The following SPAG16 variants were observed in gnomAD, a reference collection of about 807,000 sequenced individuals.
The protein encoded by SPAG16 is sperm associated antigen 16, also known as sperm-associated antigen 16 protein.
SPAG16 carries 86 observed loss-of-function variants against 80.4 expected under a neutral mutation model. The observed-to-expected ratio is 1.07, with a 90% CI of 0.90 to 1.28. SPAG16 has a LOEUF of 1.28. SPAG16 is among the 50% of genes most tolerant of loss of function. SPAG16 has a pLI of 0.00. For missense variants in SPAG16, 870 were observed against 765.3 expected (o/e 1.14, Z -1.61); for synonymous variants, 294 against 265.9 (o/e 1.11, Z -1.03).
At chr2:213,963,842 C>T (rs1258195820) in intron 12 of SPAG16, among the ~76,000 whole-genome samples, 3 of 151,898 alleles carry the variant, frequency 2.0e-5, no homozygotes, top group Admixed American at 6.6e-5. Flanking sequence ...ATAGTTACTC[C>T]AACTCTCTTA....
At chr2:214,285,909 T>C (rs1693323524) in intron 15 of SPAG16, among the ~76,000 whole-genome samples, 1 of 152,218 alleles carries the variant, frequency 6.6e-6, no homozygotes, top group Admixed American at 6.5e-5. Context: ...ATGCCTATGC[T>C]TTCACTGTCA....
At chr2:214,262,802 G>A (rs796255065) in intron 15 of SPAG16, among the ~76,000 whole-genome samples, 15 of 152,112 alleles carry the variant, frequency 9.9e-5, no homozygotes, top group African/African-American at 3.6e-4. Context: ...ATGACGCATT[G>A]CTCTACTATA....
intron 9 of SPAG16, among the ~76,000 whole-genome samples, chr2:213,446,125 G>A (rs2071294850): frequency 6.6e-6 from 1 of 152,156 alleles, no homozygotes; most frequent in African/African-American, 2.4e-5. Context: ...AAAGGTTAAA[G>A]GAACATCAGC....
chr2:214,119,441 A>G (rs904521046), intron 14 of SPAG16, among the ~76,000 whole-genome samples: 1 of 152,144 alleles, frequency 6.6e-6, no homozygotes, highest in African/African-American at 2.4e-5. Flanking sequence ...GCCACAGAAA[A>G]TTCAATCTAA....
chr2:213,630,802 A>C (rs1191436125), intron 10 of SPAG16, among the ~76,000 whole-genome samples: 1 of 152,122 alleles, frequency 6.6e-6, no homozygotes, highest in East Asian at 1.9e-4. Context: ...GCACTACCAT[A>C]CTCCTCAAAA....
In SPAG16 at chr2:214,142,088, C is replaced by T. The variant is rs112261019; in HGVS notation, c.1594-7052C>T. 5.9e-3 allele frequency among the ~76,000 whole-genome samples: 902 copies of T among 152,094 alleles called. 4 individuals carry two copies. Among genetic ancestry groups the T allele is most frequent in the Middle Eastern group, 0.014 (4 of 294 alleles). On this transcript the variant is annotated intron_variant, in intron 14 of 15. Coordinates refer to ENST00000331683, the MANE Select transcript of SPAG16 (RefSeq NM_024532.5). ...TTTACATGCTTTTATCTTTCAATCT[C>T]TGTGTCTACAATCTAGCTAAATTTT...
intron 13 of SPAG16, among the ~76,000 whole-genome samples, chr2:214,060,606 A>C (rs1442208447): frequency 6.6e-6 from 1 of 152,190 alleles, no homozygotes; most frequent in East Asian, 1.9e-4. Context: ...CTCTTAGAAA[A>C]CAAAATGACA....
chr2:213,702,548 A>G (rs535664769), intron 10 of SPAG16, among the ~76,000 whole-genome samples: 1 of 152,292 alleles, frequency 6.6e-6, no homozygotes, highest in South Asian at 2.1e-4. Context: ...TTCATTCTTG[A>G]AGTTGGCGAG....
intron 13 of SPAG16, among the ~76,000 whole-genome samples, chr2:214,075,082 C>A (rs2051002870): frequency 6.6e-6 from 1 of 151,718 alleles, no homozygotes; most frequent in African/African-American, 2.4e-5. Context: ...ATTTTATAAT[C>A]TTTTAAACAT....
At chr2:213,933,806 G>C (rs1309247560) in intron 12 of SPAG16, among the ~76,000 whole-genome samples, 1 of 152,172 alleles carries the variant, frequency 6.6e-6, no homozygotes, top group Non-Finnish European at 1.5e-5. Flanking sequence ...TAAGAACTGT[G>C]TTTACTTTAA....
intron 15 of SPAG16, among the ~76,000 whole-genome samples, chr2:214,308,244 G>A (rs191381276): frequency 5.9e-5 from 9 of 152,112 alleles, no homozygotes; most frequent in Admixed American, 4.6e-4. Flanking sequence ...TTCTTGGTAG[G>A]TTTTTCTCTA....
At chr2:213,710,653 C>A (rs2065944008) in intron 10 of SPAG16, among the ~76,000 whole-genome samples, 1 of 152,162 alleles carries the variant, frequency 6.6e-6, no homozygotes, top group Non-Finnish European at 1.5e-5. Context: ...GCTTTTCCCC[C>A]AATGTGCAAG....
At chr2:213,706,084 G>A (rs2125343674) in intron 10 of SPAG16, among the ~76,000 whole-genome samples, 1 of 152,274 alleles carries the variant, frequency 6.6e-6, no homozygotes, top group East Asian at 1.9e-4. Context: ...GCAAAAGAAA[G>A]TGTATCATTT....
At chr2:213,673,969 G>T (rs2063926531) in intron 10 of SPAG16, among the ~76,000 whole-genome samples, 1 of 151,874 alleles carries the variant, frequency 6.6e-6, no homozygotes, top group African/African-American at 2.4e-5. Context: ...AGTTGCAAGT[G>T]TCATTTATAA....
chr2:214,382,686 A>C (rs1271451394), intron 15 of SPAG16, among the ~76,000 whole-genome samples: 1 of 152,140 alleles, frequency 6.6e-6, no homozygotes, highest in Non-Finnish European at 1.5e-5. Context: ...TCCATATTGA[A>C]TCCTAGTCTC....
chr2:213,633,478 G>A (rs1390178139), intron 10 of SPAG16, among the ~76,000 whole-genome samples: 1 of 152,102 alleles, frequency 6.6e-6, no homozygotes, highest in Non-Finnish European at 1.5e-5. Flanking sequence ...CATTTGCTGA[G>A]TAAAATAATA....
At chr2:213,374,061 AG>A (rs2066771769) in intron 8 of SPAG16, among the ~76,000 whole-genome samples, 2 of 152,142 alleles carry the variant, frequency 1.3e-5, no homozygotes, top group East Asian at 3.9e-4. Flanking sequence ...TTGGACACCC[AG>A]GTCTCTCAAG....
At chr2:213,457,722 T>C (rs1404782144) in intron 9 of SPAG16, among the ~76,000 whole-genome samples, 2 of 152,198 alleles carry the variant, frequency 1.3e-5, no homozygotes, top group East Asian at 3.8e-4. Flanking sequence ...CTTTTGTATT[T>C]TGAACACAGC....
At chr2:213,581,696 C>G (rs2060303617) in intron 10 of SPAG16, among the ~76,000 whole-genome samples, 1 of 152,080 alleles carries the variant, frequency 6.6e-6, no homozygotes, top group Non-Finnish European at 1.5e-5. Context: ...TAAAAAGGAG[C>G]CTTTCACTAT....
Sources: gnomAD v4.1 joint callset for allele counts (sites outside exome capture counted in the v4.1 genomes callset) on GRCh38, gnomAD v4.1.1 for gene constraint, MANE v1.5 for transcripts, NCBI Gene and HGNC (gene_info 2026-07-23, HGNC 2026-07-21) for gene names.